Variants in KDM4C observed in about 807,000 individuals in gnomAD.
The protein encoded by KDM4C is lysine demethylase 4C.
A neutral mutation model predicts 129.3 loss-of-function variants in KDM4C; 81 were observed. The ratio of observed to expected loss-of-function variants is 0.63; its 90% CI spans 0.52 to 0.75. KDM4C has a LOEUF of 0.75. KDM4C is among the 30% of genes least tolerant of loss of function. The probability of loss-of-function intolerance (pLI) is 0.00; values close to 1 mark genes in which losing one functional copy is unlikely to be tolerated. For missense variants in KDM4C, 1,457 were observed against 1,304.0 expected, an observed-to-expected ratio of 1.12 and a Z score of -1.81; for synonymous variants, 573 against 456.1, an observed-to-expected ratio of 1.26 and a Z score of -3.26.
chr9:6,847,134 A>G (rs1179555665), intron 4 of KDM4C, among the ~76,000 whole-genome samples: 1 of 152,210 alleles, frequency 6.6e-6, no homozygotes, highest in African/African-American at 2.4e-5. Flanking sequence ...ATATGTAGGA[A>G]TTTTAGAGAA....
chr9:6,941,895 A>G (rs1826015911), intron 8 of KDM4C: 2 of 152,070 alleles, frequency 1.3e-5, no homozygotes, highest in African/African-American at 4.8e-5. Flanking sequence ...CTGTGTTTGT[A>G]TCCTGTGGTG....
At chr9:6,777,301 C>T (rs894439576) in intron 1 of KDM4C, among the ~76,000 whole-genome samples, 1 of 152,218 alleles carries the variant, frequency 6.6e-6, no homozygotes, top group Admixed American at 6.5e-5. Context: ...CTCAGCAAAA[C>T]CTCAGTAACT....
At chr9:6,760,793 C>T (rs986427295) in intron 1 of KDM4C, among the ~76,000 whole-genome samples, 1 of 151,284 alleles carries the variant, frequency 6.6e-6, no homozygotes, top group African/African-American at 2.4e-5. Flanking sequence ...AGGATGGTCT[C>T]GATCTCCTGA....
intron 4 of KDM4C, among the ~76,000 whole-genome samples, chr9:6,822,065 A>G (rs936209481): frequency 6.6e-6 from 1 of 152,216 alleles, no homozygotes; most frequent in African/African-American, 2.4e-5. Flanking sequence ...TTTTAAAACC[A>G]AAAAACCAAG....
chr9:6,972,122 C>G (rs1305128433), intron 8 of KDM4C, among the ~76,000 whole-genome samples: 1 of 151,864 alleles, frequency 6.6e-6, no homozygotes, highest in Non-Finnish European at 1.5e-5. Context: ...AATAAAACAC[C>G]TTTGGTTTAA....
chr9:6,893,623 A>C lies in KDM4C; in HGVS notation c.921+391A>C, dbSNP rs12336948. The C allele has an allele frequency of 8.1e-3, 1,253 of 154,570 alleles. 17 individuals are homozygous for C. Among genetic ancestry groups the C allele is most frequent in the African/African-American group, 0.029 (1,207 of 41,642 alleles). 9.6% of individuals were successfully genotyped at this position (154,570 alleles called of 1,614,324 possible). A position where few individuals can be genotyped will look rare whatever the true frequency, so the allele number is the denominator to read the frequency against. On this transcript the variant is annotated intron_variant, in intron 8 of 21. Transcript: ENST00000381309. ...TAGAAAACAGCACTTTACAGAAGGG[A>C]GTGTCTGATAAAATTGTAGCAAGAG...
At chr9:6,798,769 G>C (rs1169582333) in intron 2 of KDM4C, among the ~76,000 whole-genome samples, 1 of 152,170 alleles carries the variant, frequency 6.6e-6, no homozygotes, top group Middle Eastern at 3.2e-3. Context: ...CCTCCCAGAC[G>C]GGGTGGTGGC....
At chr9:7,041,288 T>C (rs1828560194) in intron 15 of KDM4C, among the ~76,000 whole-genome samples, 1 of 152,044 alleles carries the variant, frequency 6.6e-6, no homozygotes, top group African/African-American at 2.4e-5. Flanking sequence ...CTAGAGATGA[T>C]TTAAAGTATA....
intron 5 of KDM4C, among the ~76,000 whole-genome samples, chr9:6,866,647 C>G (rs996560761): frequency 1.3e-5 from 2 of 151,974 alleles, no homozygotes; most frequent in African/African-American, 2.4e-5. Flanking sequence ...GGACAGTGTC[C>G]TCCTAGGAAA....
intron 17 of KDM4C, among the ~76,000 whole-genome samples, chr9:7,074,136 C>T (rs142316329): frequency 4.1e-4 from 62 of 152,192 alleles, no homozygotes; most frequent in African/African-American, 1.4e-3. Context: ...TATTTCCTAA[C>T]ATCTGAATCT....
Position 6,816,718 on chromosome 9 carries a change from G to T in KDM4C, c.435+1973G>T, listed in dbSNP as rs907671467. Among the ~76,000 whole-genome samples, 10 of 152,126 alleles carry T rather than the reference G, an allele frequency of 6.6e-5. 1 individual carries two copies. In the East Asian group the frequency reaches 1.7e-3, roughly 26 times the overall value. On this transcript the variant is annotated intron_variant, in intron 4 of 21. Transcript: ENST00000381309. ...TCATTTCTTTAATTTTAGCCACTCTGTTGGTGTGTGTAGTCGTATCTTTTG... is the reference window on the plus strand; with the variant it reads ...TCATTTCTTTAATTTTAGCCACTCTTTTGGTGTGTGTAGTCGTATCTTTTG...
rs1465556190 is a variant in KDM4C, at chr9:6,990,406, C to A, written c.1678-10C>A. ...ATGGTATTTCTCCACCATTTTTGTT[C>A]TATAACTAGATAGCAGAGGGAGAGA... On this transcript the variant is annotated splice_polypyrimidine_tract_variant and intron_variant, in intron 11 of 21. Transcript: ENST00000381309. 2.6e-6 allele frequency: 4 copies of A among 1,546,620 alleles called. No homozygotes were observed. The highest frequency in any genetic ancestry group is 1.1e-5 in the South Asian group (1 of 87,482).
At chr9:7,009,729 G>C (rs1175860870) in intron 12 of KDM4C, among the ~76,000 whole-genome samples, 1 of 152,290 alleles carries the variant, frequency 6.6e-6, no homozygotes, top group East Asian at 1.9e-4. Context: ...CAACAGGGTT[G>C]TGTATCCCCT....
At chr9:6,982,006 A>G (rs972433581) in intron 9 of KDM4C, 2 of 153,828 alleles carry the variant, frequency 1.3e-5, no homozygotes, top group East Asian at 1.9e-4. Flanking sequence ...ATAATATTAT[A>G]TATCTTTCCA....
chr9:7,052,894 A>AGAGAGAGAGAGAGAGAGC (rs1339242817), intron 17 of KDM4C, among the ~76,000 whole-genome samples: 3,346 of 104,732 alleles, frequency 0.032, 352 homozygotes, highest in East Asian at 0.051. Flanking sequence ...AGAGAGAGAG[A>AGAGAGAGAGAGAGAGAGC]GAGAGAGCGA....
chr9:7,095,785 G>T (rs1836360080), intron 17 of KDM4C, among the ~76,000 whole-genome samples: 1 of 152,032 alleles, frequency 6.6e-6, no homozygotes. Context: ...ACTCTAGCAG[G>T]GTACAGTTGT....
chr9:6,921,534 C>T (rs1056091271), intron 8 of KDM4C, among the ~76,000 whole-genome samples: 1 of 152,236 alleles, frequency 6.6e-6, no homozygotes, highest in Non-Finnish European at 1.5e-5. Flanking sequence ...GCCCACTGCT[C>T]ACCACACTCA....
intron 18 of KDM4C, among the ~76,000 whole-genome samples, chr9:7,120,927 T>C (rs571336031): frequency 6.6e-6 from 1 of 152,312 alleles, no homozygotes; most frequent in East Asian, 1.9e-4. Context: ...TTTTTAAAAA[T>C]TGGAAGGACT....
intron 11 of KDM4C, among the ~76,000 whole-genome samples, chr9:6,989,439 C>T (rs1257496257): frequency 6.6e-6 from 1 of 152,024 alleles, no homozygotes; most frequent in Non-Finnish European, 1.5e-5. Context: ...AAAGGTGGGT[C>T]CTAGCTGGAA....
Sources: gnomAD v4.1 joint callset for allele counts (sites outside exome capture counted in the v4.1 genomes callset) on GRCh38, gnomAD v4.1.1 for gene constraint, MANE v1.5 for transcripts, NCBI Gene and HGNC (gene_info 2026-07-23, HGNC 2026-07-21) for gene names.